The following AR variants were observed in gnomAD, a reference collection of about 807,000 sequenced individuals.
The protein encoded by AR is dihydrotestosterone receptor.
Under a neutral mutation model 53.9 loss-of-function variants are expected in AR, and 8 were observed. That is an observed-to-expected ratio of 0.15 (90% CI 0.09 to 0.27). The LOEUF (loss-of-function observed/expected upper bound fraction) is 0.27. Ranked by LOEUF, AR falls within the 10% of genes least tolerant of loss-of-function variation. The pLI is 1.00. For synonymous variants in AR, 359 were observed against 316.4 expected (o/e 1.13, Z -1.43); for missense variants, 639 against 742.5 (o/e 0.86, Z 1.62).
intron 2 of AR, among the ~76,000 whole-genome samples, chrX:67,646,772 C>T (rs1230031138): frequency 9.0e-6 from 1 of 111,054 alleles, no homozygotes; most frequent in African/African-American, 3.3e-5. Context: ...CCAGCTTAGA[C>T]ATTTTGTGAC....
intron 1 of AR, among the ~76,000 whole-genome samples, chrX:67,602,967 C>G (rs950266933): frequency 9.0e-6 from 1 of 111,718 alleles, no homozygotes; most frequent in African/African-American, 3.3e-5. Context: ...TTAATTTATA[C>G]TGCTGTGAAG....
intron 2 of AR, among the ~76,000 whole-genome samples, chrX:67,675,441 G>A (rs2075894111): frequency 8.9e-6 from 1 of 111,845 alleles, no homozygotes; most frequent in Non-Finnish European, 1.9e-5. Flanking sequence ...TTAGCCCACA[G>A]TGACAGGGCT....
intron 1 of AR, among the ~76,000 whole-genome samples, chrX:67,629,235 T>C (rs1316666376): frequency 9.2e-6 from 1 of 108,242 alleles, no homozygotes; most frequent in Non-Finnish European, 1.9e-5. Context: ...CTTGTACCTC[T>C]GATAGAATTC....
At chrX:67,689,723 T>C in intron 3 of AR, 1 of 840,478 alleles carries the variant, frequency 1.2e-6, no homozygotes, top group Non-Finnish European at 1.4e-6. Context: ...GTTAATTGCT[T>C]GACGAATTTA....
intron 5 of AR, among the ~76,000 whole-genome samples, chrX:67,719,897 C>A (rs1469108772): frequency 9.0e-6 from 1 of 111,692 alleles, no homozygotes; most frequent in Non-Finnish European, 1.9e-5. Context: ...GTAGGTCAAC[C>A]CATTTGCTGA....
intron 1 of AR, among the ~76,000 whole-genome samples, chrX:67,593,734 T>A (rs1372973640): frequency 1.8e-5 from 2 of 112,580 alleles, no homozygotes; most frequent in Non-Finnish European, 3.7e-5. Context: ...GGCAACAGAA[T>A]GTTAAACCAT....
intron 3 of AR, among the ~76,000 whole-genome samples, chrX:67,709,046 C>T (rs2076081754): frequency 8.9e-6 from 1 of 111,783 alleles, no homozygotes; most frequent in Non-Finnish European, 1.9e-5. Context: ...ATCAGTCTGC[C>T]CCTACTGGTG....
intron 2 of AR, among the ~76,000 whole-genome samples, chrX:67,668,524 C>CT (rs35645431): frequency 5.6e-5 from 6 of 107,050 alleles, no homozygotes; most frequent in South Asian, 3.8e-4. Flanking sequence ...TATAGTTTTC[C>CT]TTTTTTTTAT....
intron 2 of AR, among the ~76,000 whole-genome samples, chrX:67,682,765 T>C (rs1232978817): frequency 1.8e-5 from 2 of 111,878 alleles, no homozygotes; most frequent in Non-Finnish European, 3.8e-5. Flanking sequence ...GAAGTGATAA[T>C]TCAGATAGGA....
intron 2 of AR, among the ~76,000 whole-genome samples, chrX:67,652,798 C>G (rs1019624234): frequency 1.8e-5 from 2 of 111,834 alleles, no homozygotes; most frequent in Admixed American, 1.9e-4. Context: ...GTCTTCCTCC[C>G]TAGTAAGTTA....
intron 1 of AR, among the ~76,000 whole-genome samples, chrX:67,593,519 T>C (rs915958408): frequency 1.8e-5 from 2 of 110,057 alleles, no homozygotes; most frequent in Non-Finnish European, 3.8e-5. Flanking sequence ...GCCCAGCTAA[T>C]GTTTGTATTT....
chrX:67,567,028 T>C (rs1202692096), intron 1 of AR, among the ~76,000 whole-genome samples: 1 of 111,296 alleles, frequency 9.0e-6, no homozygotes, highest in Non-Finnish European at 1.9e-5. Context: ...TTCAGTTTTT[T>C]GTTTGTTTGT....
In AR at chrX:67,544,286, G is replaced by C. The variant is rs774488006; in HGVS notation, c.-861G>C. Reference sequence around the variant, plus strand: ...GTTTTTAAAAGCTGCTAAAGACTCGGAGGAAGCAAGGAAAGTGCCTGGTAG... The same window carrying C: ...GTTTTTAAAAGCTGCTAAAGACTCGCAGGAAGCAAGGAAAGTGCCTGGTAG... On this transcript the variant is annotated 5_prime_UTR_variant, in exon 1 of 8. Coordinates refer to ENST00000374690, the MANE Select transcript of AR (RefSeq NM_000044.6). The C allele has an allele frequency of 1.7e-4, 29 of 172,762 alleles. No individual in the cohort carries two copies. The Admixed American group carries it at 2.0e-3, about 12-fold the overall frequency. The allele number at this position is 172,762 out of a possible 1,213,427, so 14.2% of individuals were successfully genotyped here.
rs757745941 is a variant in AR, at chrX:67,565,383, C to A, written c.1616+18621C>A. 2.1e-4 allele frequency among the ~76,000 whole-genome samples: 23 copies of A among 111,277 alleles called. No homozygotes were observed. In the South Asian group the frequency reaches 7.3e-3, roughly 35 times the overall value. On this transcript the variant is annotated intron_variant, in intron 1 of 7. Coordinates refer to ENST00000374690, the MANE Select transcript of AR (RefSeq NM_000044.6). The stretch of plus-strand genomic sequence containing the variant: ...CCTTTCCCTCTTGCATTTTGTTTAT[C>A]GATGGTTTTCAAAGGACTTAGAGGC...
chrX:67,672,871 T>G (rs2075874471), intron 2 of AR, among the ~76,000 whole-genome samples: 1 of 111,506 alleles, frequency 9.0e-6, no homozygotes, highest in Non-Finnish European at 1.9e-5. Context: ...AGATAATTTG[T>G]TATTGCTCAC....
intron 5 of AR, 143 bp downstream of exon 5, chrX:67,717,765 G>A (rs1311772200): frequency 3.3e-6 from 3 of 918,035 alleles, no homozygotes; most frequent in African/African-American, 3.9e-5. Context: ...AGCCAATCCA[G>A]TATGAGGCGG....
At chrX:67,547,637 A>T (rs964098136) in intron 1 of AR, among the ~76,000 whole-genome samples, 1 of 112,382 alleles carries the variant, frequency 8.9e-6, no homozygotes, top group African/African-American at 3.2e-5. Context: ...CTTGACTCTG[A>T]CTTACAAAAC....
chrX:67,574,800 G>A (rs1921976200), intron 1 of AR, among the ~76,000 whole-genome samples: 1 of 111,404 alleles, frequency 9.0e-6, no homozygotes, highest in South Asian at 3.8e-4. Flanking sequence ...GGCAACTGCT[G>A]GGAAGGAAGA....
chrX:67,647,084 A>G (rs182768210), intron 2 of AR, among the ~76,000 whole-genome samples: 56 of 111,864 alleles, frequency 5.0e-4, no homozygotes, highest in African/African-American at 1.7e-3. Context: ...TATGTTTCAA[A>G]GAGGGTTAAT....
Sources: allele counts gnomAD v4.1 joint callset (sites outside exome capture counted in the v4.1 genomes callset), GRCh38; gene constraint gnomAD v4.1.1; transcripts MANE v1.5; gene names NCBI Gene and HGNC (gene_info 2026-07-23, HGNC 2026-07-21).